The following L1CAM variants were observed in gnomAD, a reference collection of about 807,000 sequenced individuals.
L1CAM encodes the protein L1 cell adhesion molecule.
A neutral mutation model predicts 93.0 loss-of-function variants in L1CAM; 8 were observed. That is an observed-to-expected ratio of 0.09 (90% CI 0.05 to 0.16). The LOEUF is 0.16. L1CAM is among the 10% of genes least tolerant of loss of function. The pLI is 1.00. For synonymous variants in L1CAM, 453 were observed against 453.0 expected, an observed-to-expected ratio of 1.00 and a Z score of 0.00; for missense variants, 777 against 1,073.4, an observed-to-expected ratio of 0.72 and a Z score of 3.86.
rs2064780365 is a variant in L1CAM at position 153,872,498 on chromosome X, G to C, written c.197+94C>G. The C allele has an allele frequency of 3.2e-6, 3 of 942,095 alleles. No homozygotes were observed. In the East Asian group the frequency reaches 9.3e-5, roughly 29 times the overall value. The allele number at this position is 942,095 out of a possible 1,213,427, so 77.6% of individuals were successfully genotyped here. On this transcript the variant is annotated intron_variant, in intron 4 of 28. Transcript: ENST00000370060. ...GGACTTGGGGTGATTAGCAAGGTTTGGGGCTTCTGGGCTTAGAAGTTAGGC... is the reference window on the plus strand; with the variant it reads ...GGACTTGGGGTGATTAGCAAGGTTTCGGGCTTCTGGGCTTAGAAGTTAGGC...
chrX:153,867,287 T>G (rs2064722468), intron 17 of L1CAM, 69 bp downstream of exon 17: 1 of 1,072,870 alleles, frequency 9.3e-7, no homozygotes, highest in Admixed American at 2.2e-5. Context: ...ATGGCACCTC[T>G]CTAAGCCCTC....
At chrX:153,874,275 C>T (rs2064796831) in intron 2 of L1CAM, among the ~76,000 whole-genome samples, 1 of 112,953 alleles carries the variant, frequency 8.9e-6, no homozygotes, top group South Asian at 3.6e-4. Flanking sequence ...CTGCCATGGC[C>T]TTTTGGCCTA....
At position 153,865,462 on chromosome X, in the gene L1CAM, G is replaced by A. The variant is rs1255478639; in HGVS notation, c.2586C>T (p.Ser862=). Residue 862 remains serine, a synonymous_variant, in exon 21 of 29, where the codon AGC becomes AGT. Transcript: ENST00000370060. ...YWREGSQRKH[S]KRHIHKDHVV... is the part of the protein sequence containing the mutation. ...CATGGTCTTTGTGGATATGTCTCTT[G>A]CTGTGCTTCCTCTGACTGCCCTCCC... 1 of 1,209,830 alleles carries A rather than the reference G, an allele frequency of 8.3e-7. No homozygotes were observed. The highest frequency in any genetic ancestry group is 1.1e-6 in the Non-Finnish European group (1 of 894,987).
chrX:153,868,178 C>T, intron 14 of L1CAM, 56 bp from the exon 15 acceptor site: 2 of 1,089,923 alleles, frequency 1.8e-6, no homozygotes, highest in Middle Eastern at 5.1e-4. Context: ...CCCCTCCCAT[C>T]CCTCCCTCCT....
chrX:153,881,099 A>G lies in L1CAM; in HGVS notation c.-109+4966T>C, dbSNP rs574561000. Among the ~76,000 whole-genome samples the G allele has an allele frequency of 9.8e-5, 11 of 112,537 alleles. No individual in the cohort carries two copies. The South Asian group carries it at 4.0e-3, about 41-fold the overall frequency. ...ATCACATGCCTCTGTGGTCTGTTCT[A>G]TTAAATCAACTTACAGCGTGGACTT... On this transcript the variant is annotated intron_variant, in intron 1 of 28. Coordinates refer to ENST00000370060, the MANE Select transcript of L1CAM (RefSeq NM_001278116.2).
intron 19 of L1CAM, 63 bp from the exon 20 acceptor site, chrX:153,865,882 C>A: frequency 1.4e-6 from 1 of 731,499 alleles, no homozygotes; most frequent in Non-Finnish European, 2.2e-6. Context: ...AGGCCAGGCC[C>A]AAGCCCCTAC....
intron 3 of L1CAM, 138 bp from the exon 4 acceptor site, chrX:153,872,835 A>G: frequency 1.9e-6 from 1 of 532,892 alleles, no homozygotes; most frequent in Non-Finnish European, 3.3e-6. Flanking sequence ...AACGGAGGGG[A>G]AGAACAAAAG....
chrX:153,883,325 G>A lies in L1CAM; in HGVS notation c.-109+2740C>T, dbSNP rs1008045248. On this transcript the variant is annotated intron_variant, in intron 1 of 28. Transcript: ENST00000370060. The stretch of plus-strand genomic sequence containing the variant: ...AGGCAGAGGCAGAGGGAGGAGACGG[G>A]GAGTGGTGCACCCCATCCCCGGCAG... Among the ~76,000 whole-genome samples, 3 of 110,639 alleles carry A rather than the reference G, an allele frequency of 2.7e-5. No homozygotes were observed. In the South Asian group the frequency reaches 1.2e-3, roughly 42 times the overall value.
At position 153,870,863 on chromosome X, in the gene L1CAM, G is replaced by A; in HGVS notation, c.621C>T (p.Tyr207=). The change falls in exon 7 of 29, where the codon TAC becomes TAT. Residue 207 remains tyrosine (Y), a synonymous_variant. Transcript: ENST00000370060. ...TGCCTGGGAAGTGGGCGTGGCAGAT[G>A]TAGTCTGAGTGGTTGTCGGAGGTGA... ...NVLTSDNHSD[Y]ICHAHFPGTR... is the part of the protein sequence containing the mutation. 1.7e-6 allele frequency: 2 copies of A among 1,211,262 alleles called. No homozygotes were observed. The highest frequency in any genetic ancestry group is 4.6e-4 in the Middle Eastern group (2 of 4,353).
chrX:153,865,364 A>G lies in L1CAM; in HGVS notation c.2684T>C (p.Val895Ala). The G allele has an allele frequency of 8.3e-7, 1 of 1,210,799 alleles. No individual in the cohort carries two copies. Among genetic ancestry groups the G allele is most frequent in the Non-Finnish European group, 1.1e-6 (1 of 895,315 alleles). Residue 895 changes from valine to alanine, a missense_variant, in exon 21 of 29, where the codon GTG (valine) becomes GCG (alanine). Val to Ala is a moderately conservative substitution (Grantham distance 64). Around this residue, in one of 5 missense-constraint regions of L1CAM, gnomAD observed 574 missense variants for 781.0 expected, o/e 0.73. Transcript: ENST00000370060. The part of the protein sequence containing the change: ...LRPYSSYHLE[V>A]QAFNGRGSGP... Reference sequence around the variant, plus strand: ...CGATCCTCGCCCGTTAAAGGCCTGCACCTCCAGGTGGTAGGAGCTATAGGG... The same window carrying G: ...CGATCCTCGCCCGTTAAAGGCCTGCGCCTCCAGGTGGTAGGAGCTATAGGG...
chrX:153,884,267 C>A (rs139305990), intron 1 of L1CAM: 2 of 1,011,562 alleles, frequency 2.0e-6, no homozygotes, highest in South Asian at 1.9e-5. Context: ...GGATCCTGAG[C>A]GCCTGGGTAG....
chrX:153,866,632 C>A lies in L1CAM; in HGVS notation c.2431+17G>T. The A allele has an allele frequency of 8.5e-7, 1 of 1,179,035 alleles. No individual in the cohort carries two copies. The highest frequency in any genetic ancestry group is 1.2e-6 in the Non-Finnish European group (1 of 866,716). The stretch of plus-strand genomic sequence containing the variant: ...GGCGAGCTCAACCGTGGGCGAGGGG[C>A]CCTGCCGGATACTCACAGTCCTCTC... On this transcript the variant is annotated intron_variant, in intron 19 of 28. Coordinates refer to ENST00000370060, the MANE Select transcript of L1CAM (RefSeq NM_001278116.2).
At chrX:153,870,296 C>T (rs782798165) in intron 8 of L1CAM, 56 bp from the exon 9 acceptor site, 2 of 1,186,424 alleles carry the variant, frequency 1.7e-6, no homozygotes, top group East Asian at 3.0e-5. Context: ...GGCCAATCAC[C>T]CCAGCCCCCT....
In L1CAM at chrX:153,869,568, G is replaced by C; in HGVS notation, c.1219C>G (p.Arg407Gly). ...SDTMVTQCEARNRHGLLLANA... is the reference protein window; with the variant it reads ...SDTMVTQCEAGNRHGLLLANA... ...GCCAGCAAGAGCCCGTGCCGGTTGC[G>C]GGCCTCACATTGGGTCACCATTGTG... Residue 407 changes from arginine to glycine, a missense_variant, in exon 11 of 29, where the codon CGC (arginine) becomes GGC (glycine). Physicochemically the swap from Arg to Gly is moderately radical, Grantham distance 125 (BLOSUM62 -2). Coordinates refer to ENST00000370060, the MANE Select transcript of L1CAM (RefSeq NM_001278116.2). 2 of 1,209,785 alleles carry C rather than the reference G, an allele frequency of 1.7e-6. No homozygotes were observed. Among genetic ancestry groups the C allele is most frequent in the Middle Eastern group, 2.3e-4 (1 of 4,345 alleles).
intron 23 of L1CAM, 49 bp from the exon 24 acceptor site, chrX:153,864,753 C>T: frequency 8.3e-7 from 1 of 1,211,900 alleles, no homozygotes; most frequent in African/African-American, 1.7e-5. Flanking sequence ...GCCAGGAAGT[C>T]TAAGGCCCTC....
At position 153,883,716 on chromosome X, in the gene L1CAM, G is replaced by A. The variant is rs1280532745; in HGVS notation, c.-109+2349C>T. 3.9e-5 allele frequency: 13 copies of A among 334,712 alleles called. No homozygotes were observed. The Admixed American group carries it at 4.1e-4, about 11-fold the overall frequency. The allele number at this position is 334,712 out of a possible 1,213,427, so 27.6% of individuals were successfully genotyped here. A position where few individuals can be genotyped will look rare whatever the true frequency, so the allele number is the denominator to read the frequency against. On this transcript the variant is annotated intron_variant, in intron 1 of 28. Coordinates refer to ENST00000370060, the MANE Select transcript of L1CAM (RefSeq NM_001278116.2). ...CCCCCACTCATGCCTGGCAGACCAG[G>A]GTCTTGGCTGGGATCCCCATCCTGG...
chrX:153,877,921 A>C (rs1326265323), intron 1 of L1CAM, among the ~76,000 whole-genome samples: 1 of 112,289 alleles, frequency 8.9e-6, no homozygotes, highest in East Asian at 2.8e-4. Context: ...TGTCCACCCC[A>C]AACCCAAGCC....
At chrX:153,869,311 C>T in intron 11 of L1CAM, 1 of 495,710 alleles carries the variant, frequency 2.0e-6, no homozygotes, top group Non-Finnish European at 3.5e-6. Flanking sequence ...CGCTCAGTCA[C>T]AGTGACAAGA....
At position 153,868,549 on chromosome X, in the gene L1CAM, G is replaced by A; in HGVS notation, c.1546+12C>T. The A allele has an allele frequency of 8.2e-7, 1 of 1,212,340 alleles. No homozygotes were observed. Among genetic ancestry groups the A allele is most frequent in the Non-Finnish European group, 1.1e-6 (1 of 895,546 alleles). On this transcript the variant is annotated intron_variant, in intron 13 of 28. Transcript: ENST00000370060. Reference sequence around the variant, plus strand: ...AGAGGCACTGCCAGCCATGTGGCAAGGGTTGCCTGACCTTTAACCTTCAGG... The same window carrying A: ...AGAGGCACTGCCAGCCATGTGGCAAAGGTTGCCTGACCTTTAACCTTCAGG...
Sources: gnomAD v4.1 joint callset for allele counts (sites outside exome capture counted in the v4.1 genomes callset) on GRCh38, gnomAD v4.1.1 for gene constraint, gnomAD v4.1.1 regional missense constraint, MANE v1.5 for transcripts, NCBI Gene and HGNC (gene_info 2026-07-23, HGNC 2026-07-21) for gene names.